PLPP4: variants seen among roughly 807,000 people sequenced by gnomAD.
PLPP4 encodes the protein diacylglycerol pyrophosphate like 2.
Under a neutral mutation model 32.2 loss-of-function variants are expected in PLPP4, and 20 were observed. The ratio of observed to expected loss-of-function variants is 0.62; its 90% CI spans 0.44 to 0.90. PLPP4 has a LOEUF of 0.90. PLPP4 is among the 40% of genes least tolerant of loss of function. PLPP4 has a pLI of 0.00. For missense variants in PLPP4, 257 were observed against 353.1 expected, an observed-to-expected ratio of 0.73 and a Z score of 2.18; for synonymous variants, 127 against 133.0, an observed-to-expected ratio of 0.95 and a Z score of 0.31.
chr10:120,564,222 G>T (rs190771874), intron 5 of PLPP4, among the ~76,000 whole-genome samples: 56 of 151,480 alleles, frequency 3.7e-4, no homozygotes, highest in African/African-American at 1.2e-3. Flanking sequence ...TTTCTTCTGT[G>T]ACCCACAGTT....
At chr10:120,580,109 G>A (rs7081412) in intron 6 of PLPP4, among the ~76,000 whole-genome samples, 33,068 of 115,734 alleles carry the variant, frequency 0.29, 4,037 homozygotes, top group Middle Eastern at 0.51. Flanking sequence ...GACAGAGCGA[G>A]ACTCTCAAAA....
In PLPP4 at chr10:120,575,039, G is replaced by C; in HGVS notation, c.446-92G>C. 3 of 1,359,368 alleles carry C rather than the reference G, an allele frequency of 2.2e-6. No homozygotes were observed. In the South Asian group the frequency reaches 3.9e-5, roughly 18 times the overall value. 84.2% of individuals were successfully genotyped at this position (1,359,368 alleles called of 1,614,324 possible). A position where few individuals can be genotyped will look rare whatever the true frequency, so the allele number is the denominator to read the frequency against. ...TGCCAACATGGCCTTGGCCTTGGGG[G>C]TGTGCAAGACGGCAGACGGAATGCC... On this transcript the variant is annotated intron_variant, in intron 5 of 6. Transcript: ENST00000398250.
At chr10:120,542,744 T>C (rs977492951) in intron 5 of PLPP4, among the ~76,000 whole-genome samples, 4 of 152,222 alleles carry the variant, frequency 2.6e-5, no homozygotes, top group Non-Finnish European at 5.9e-5. Flanking sequence ...GTAAAAGCTT[T>C]TTCATGCAGT....
chr10:120,482,541 C>A (rs1844254871), intron 1 of PLPP4, among the ~76,000 whole-genome samples: 1 of 152,080 alleles, frequency 6.6e-6, no homozygotes, highest in African/African-American at 2.4e-5. Flanking sequence ...CTGTTAAAGG[C>A]ATTCAGTTCT....
chr10:120,501,892 C>A (rs1164428197), intron 1 of PLPP4, among the ~76,000 whole-genome samples: 1 of 152,210 alleles, frequency 6.6e-6, no homozygotes. Context: ...ATTGCAGAGG[C>A]CCTGGGTGGG....
intron 5 of PLPP4, among the ~76,000 whole-genome samples, chr10:120,568,370 C>T (rs142114219): frequency 7.2e-5 from 11 of 152,260 alleles, no homozygotes; most frequent in African/African-American, 1.2e-4. Flanking sequence ...TATGACATCT[C>T]GTAAAAGGCA....
intron 6 of PLPP4, among the ~76,000 whole-genome samples, chr10:120,582,187 A>G (rs1849541799): frequency 6.6e-6 from 1 of 152,188 alleles, no homozygotes; most frequent in South Asian, 2.1e-4. Flanking sequence ...ACAGAAAGAT[A>G]TTGTCTCACC....
At chr10:120,503,442 T>C in intron 1 of PLPP4, 1 of 1,087,076 alleles carries the variant, frequency 9.2e-7, no homozygotes, top group South Asian at 1.4e-5. Flanking sequence ...CTCCCTCCCT[T>C]ATGTTCCACC....
intron 5 of PLPP4, among the ~76,000 whole-genome samples, chr10:120,534,794 C>A (rs1358012320): frequency 6.6e-6 from 1 of 152,042 alleles, no homozygotes; most frequent in Non-Finnish European, 1.5e-5. Context: ...ATTTGGTTCT[C>A]TTTTATAATT....
chr10:120,472,744 T>A (rs1848574709), intron 1 of PLPP4, among the ~76,000 whole-genome samples: 1 of 152,166 alleles, frequency 6.6e-6, no homozygotes, highest in South Asian at 2.1e-4. Flanking sequence ...AGTTTGATAA[T>A]GTCCTACAGA....
In PLPP4 at chr10:120,575,463, G is replaced by T. The variant is rs576568679; in HGVS notation, c.616+162G>T. 2.6e-5 allele frequency among the ~76,000 whole-genome samples: 4 copies of T among 152,330 alleles called. No homozygotes were observed. The South Asian group carries it at 8.3e-4, about 32-fold the overall frequency. On this transcript the variant is annotated intron_variant, in intron 6 of 6. Coordinates refer to ENST00000398250, the MANE Select transcript of PLPP4 (RefSeq NM_001030059.3). ...GATAAAATTTTGAAGCAAATATGCT[G>T]GTTCAAGTGAGGTCTGGCCTTCCTG...
At chr10:120,540,335 T>C (rs1230861778) in intron 5 of PLPP4, among the ~76,000 whole-genome samples, 1 of 152,198 alleles carries the variant, frequency 6.6e-6, no homozygotes, top group Non-Finnish European at 1.5e-5. Flanking sequence ...ACAATATCTT[T>C]GGTAAAACTC....
At chr10:120,574,168 A>ACACACACACACTCTCTCT (rs1849090021) in intron 5 of PLPP4, among the ~76,000 whole-genome samples, 1 of 47,090 alleles carries the variant, frequency 2.1e-5, no homozygotes, top group African/African-American at 8.6e-5. Context: ...ACACACACAC[A>ACACACACACACTCTCTCT]CTCTCTCTCT....
chr10:120,499,025 G>T (rs1409555), intron 1 of PLPP4, among the ~76,000 whole-genome samples: 62,249 of 151,972 alleles, frequency 0.41, 13,928 homozygotes, highest in East Asian at 0.58. Flanking sequence ...TGCATCCTTG[G>T]ATCTGTCTGA....
chr10:120,531,289 A>G (rs1175589106), intron 5 of PLPP4, among the ~76,000 whole-genome samples: 1 of 151,902 alleles, frequency 6.6e-6, no homozygotes, highest in Non-Finnish European at 1.5e-5. Context: ...TATTTTTAGT[A>G]GAGACGGGGA....
chr10:120,476,682 G>T (rs1398512178), intron 1 of PLPP4, among the ~76,000 whole-genome samples: 1 of 152,188 alleles, frequency 6.6e-6, no homozygotes, highest in Non-Finnish European at 1.5e-5. Flanking sequence ...GAGCCAGAAT[G>T]TGTGGGACTA....
At chr10:120,465,039 A>T (rs1407177896) in intron 1 of PLPP4, among the ~76,000 whole-genome samples, 2 of 152,264 alleles carry the variant, frequency 1.3e-5, no homozygotes, top group African/African-American at 2.4e-5. Flanking sequence ...ATATGGTTTC[A>T]TAACTTGTGG....
rs559969542 is a variant in PLPP4, at chr10:120,551,142, G to C, written c.446-23989G>C. ...TGTATGATCAGTAAGCACATGAAAA[G>C]GTGCTCCATTATTCCTCATTAGGGA... is the stretch of plus-strand genomic sequence containing the variant. On this transcript the variant is annotated intron_variant, in intron 5 of 6. Transcript: ENST00000398250. 3.9e-5 allele frequency among the ~76,000 whole-genome samples: 6 copies of C among 152,214 alleles called. No homozygotes were observed. The East Asian group carries it at 1.2e-3, about 29-fold the overall frequency.
intron 5 of PLPP4, among the ~76,000 whole-genome samples, chr10:120,537,343 T>C (rs1050916046): frequency 2.0e-5 from 3 of 152,182 alleles, no homozygotes; most frequent in African/African-American, 4.8e-5. Context: ...AACAATTGAA[T>C]ATTATTCAGC....
Sources: gnomAD v4.1 joint callset for allele counts (sites outside exome capture counted in the v4.1 genomes callset) on GRCh38, gnomAD v4.1.1 for gene constraint, MANE v1.5 for transcripts, NCBI Gene and HGNC (gene_info 2026-07-23, HGNC 2026-07-21) for gene names.